Variants in ELOC observed in about 807,000 individuals in gnomAD.
The protein encoded by ELOC is elongin C.
For synonymous variants in ELOC, 40 were observed against 51.3 expected (o/e 0.78, Z 0.94); for missense variants, 38 against 139.0 (o/e 0.27, Z 3.65).
intron 3 of ELOC, among the ~76,000 whole-genome samples, chr8:73,953,407 T>C (rs1186151241): frequency 6.6e-6 from 1 of 152,100 alleles, no homozygotes; most frequent in Non-Finnish European, 1.5e-5. Flanking sequence ...CCAGGCACAG[T>C]GGCTCACGCT....
rs765808185 is a variant in ELOC, at chr8:73,963,169, T to C, written c.-50-3351A>G. Among the ~76,000 whole-genome samples the C allele has an allele frequency of 1.2e-3, 186 of 152,278 alleles. 1 individual carries two copies. Among genetic ancestry groups the C allele is most frequent in the Non-Finnish European group, 1.9e-3 (129 of 68,020 alleles). On this transcript the variant is annotated intron_variant, in intron 1 of 3. Transcript: ENST00000520242. ...ATCTCTTAAAGTTTTTTTGTGTATG[T>C]TTGTGTTTAATAACAAATACTTAAA... is the stretch of plus-strand genomic sequence containing the variant.
At chr8:73,968,367 C>G (rs1479078775) in intron 1 of ELOC, among the ~76,000 whole-genome samples, 1 of 152,186 alleles carries the variant, frequency 6.6e-6, no homozygotes, top group African/African-American at 2.4e-5. Flanking sequence ...CAACACAGAA[C>G]TTAAGGGCTG....
chr8:73,964,011 T>C (rs1456177355), intron 1 of ELOC, among the ~76,000 whole-genome samples: 1 of 142,322 alleles, frequency 7.0e-6, no homozygotes, highest in African/African-American at 2.6e-5. Context: ...GAGAATGGCT[T>C]GAACCCAGGA....
chr8:73,952,273 G>A (rs1009327530), intron 3 of ELOC, among the ~76,000 whole-genome samples: 3 of 151,772 alleles, frequency 2.0e-5, no homozygotes, highest in Non-Finnish European at 4.4e-5. Context: ...GTGTGGTGGT[G>A]GGCACCTGTA....
rs61081733 is a variant in ELOC at position 73,965,036 on chromosome 8, C to CAA, written c.-50-5220_-50-5219dup. Among the ~76,000 whole-genome samples, 204 of 81,436 alleles carry CAA rather than the reference C, an allele frequency of 2.5e-3. 4 individuals carry two copies. Among genetic ancestry groups the CAA allele is most frequent in the Middle Eastern group, 7.9e-3 (1 of 126 alleles). 53.4% of individuals were successfully genotyped at this position (81,436 alleles called of 152,430 possible). On this transcript the variant is annotated intron_variant, in intron 1 of 3. Transcript: ENST00000520242. Reference sequence around the variant, plus strand: ...GTAAGACACTGTCTCAAAAACAAACCAAAAAAAAAAAAAAAAACTCTCAAA... The same window carrying CAA: ...GTAAGACACTGTCTCAAAAACAAACCAAAAAAAAAAAAAAAAAAACTCTCAAA...
chr8:73,953,117 C>T (rs1813884894), intron 3 of ELOC, among the ~76,000 whole-genome samples: 2 of 152,004 alleles, frequency 1.3e-5, no homozygotes, highest in South Asian at 4.1e-4. Flanking sequence ...CCAGCCTGGC[C>T]AACACAGTGA....
intron 3 of ELOC, chr8:73,955,327 T>G (rs961254426): frequency 1.3e-5 from 2 of 152,038 alleles, no homozygotes; most frequent in African/African-American, 4.8e-5. Context: ...AAGTTAAACC[T>G]GGGCGTGGTG....
chr8:73,950,415 T>C (rs1343900155), intron 3 of ELOC, among the ~76,000 whole-genome samples: 1 of 152,240 alleles, frequency 6.6e-6, no homozygotes, highest in African/African-American at 2.4e-5. Flanking sequence ...TGAAAAATTA[T>C]ATTTAAAAGG....
intron 1 of ELOC, among the ~76,000 whole-genome samples, chr8:73,966,817 T>C (rs1440421975): frequency 6.6e-6 from 1 of 152,102 alleles, no homozygotes; most frequent in African/African-American, 2.4e-5. Flanking sequence ...TAAACAACAC[T>C]ACATAAGAAT....
chr8:73,951,810 A>G (rs1698319308), intron 3 of ELOC, among the ~76,000 whole-genome samples: 1 of 152,214 alleles, frequency 6.6e-6, no homozygotes, highest in South Asian at 2.1e-4. Context: ...ACAGTAATCA[A>G]AACAGTGTGG....
intron 2 of ELOC, among the ~76,000 whole-genome samples, chr8:73,956,595 G>A (rs990866512): frequency 6.6e-6 from 1 of 152,092 alleles, no homozygotes; most frequent in Non-Finnish European, 1.5e-5. Context: ...AAATTCACTA[G>A]TTTTTTCAAG....
intron 3 of ELOC, among the ~76,000 whole-genome samples, chr8:73,947,470 G>C (rs1249240799): frequency 6.6e-6 from 1 of 152,058 alleles, no homozygotes; most frequent in East Asian, 1.9e-4. Context: ...GCCATCTAGG[G>C]GTGGTACTTT....
intron 2 of ELOC, among the ~76,000 whole-genome samples, chr8:73,958,121 G>T (rs1390198606): frequency 6.7e-6 from 1 of 149,278 alleles, no homozygotes; most frequent in Non-Finnish European, 1.5e-5. Flanking sequence ...TAAGAGACAG[G>T]GCCTTGCTCT....
At chr8:73,953,821 A>G (rs931759612) in intron 3 of ELOC, among the ~76,000 whole-genome samples, 1 of 152,204 alleles carries the variant, frequency 6.6e-6, no homozygotes, top group Non-Finnish European at 1.5e-5. Context: ...TCATATGATC[A>G]AGCAACTGCA....
At position 73,946,759 on chromosome 8, in the gene ELOC, T is replaced by A. The variant is rs545162276; in HGVS notation, c.210A>T (p.Leu70=). 1 of 1,613,914 alleles carries A rather than the reference T, an allele frequency of 6.2e-7. No individual in the cohort carries two copies. The highest frequency in any genetic ancestry group is 1.7e-5 in the Admixed American group (1 of 59,992). ...VNFREIPSHV[L]SKVCMYFTYK... ...ACGTAAAATACATGCATACTTTCGA[T>A]AGCACATGTGAAGGTATCTCTCTAA... is the stretch of plus-strand genomic sequence containing the variant. The change falls in exon 4 of 4, where the codon CTA becomes CTT. Residue 70 remains leucine (L), a synonymous_variant. Transcript: ENST00000520242.
chr8:73,955,995 T>A lies in ELOC; in HGVS notation c.64A>T (p.Ile22Leu), dbSNP rs756249668. 9.9e-6 allele frequency: 16 copies of A among 1,613,876 alleles called. No homozygotes were observed. The highest frequency in any genetic ancestry group is 1.1e-5 in the Non-Finnish European group (13 of 1,179,870). The stretch of plus-strand genomic sequence containing the variant: ...ATAAATTCATGGCCATCAGATGATA[T>A]CAATTTGACATACATGGCATCAGGT... ...EGPDAMYVKL[I>L]SSDGHEFIVK... Residue 22 changes from isoleucine to leucine, a missense_variant, in exon 3 of 4, where the codon ATA becomes TTA. Physicochemically the swap from Ile to Leu is conservative, Grantham distance 5. Coordinates refer to ENST00000520242, the MANE Select transcript of ELOC (RefSeq NM_005648.4).
chr8:73,964,340 C>T (rs528931696), intron 1 of ELOC: 1 of 151,534 alleles, frequency 6.6e-6, no homozygotes, highest in African/African-American at 2.4e-5. Flanking sequence ...AAAGGACAGT[C>T]TCTTCAACAA....
chr8:73,959,522 C>T (rs866782309), intron 2 of ELOC, among the ~76,000 whole-genome samples: 7 of 152,192 alleles, frequency 4.6e-5, no homozygotes, highest in South Asian at 2.1e-4. Flanking sequence ...AAGATGTCAC[C>T]GTAGGCCACA....
intron 3 of ELOC, among the ~76,000 whole-genome samples, chr8:73,947,897 A>G (rs969314568): frequency 6.6e-6 from 1 of 152,098 alleles, no homozygotes; most frequent in Non-Finnish European, 1.5e-5. Flanking sequence ...AACCTTTACT[A>G]AAATAGTACT....
Sources: gnomAD v4.1 joint callset for allele counts (sites outside exome capture counted in the v4.1 genomes callset) on GRCh38, gnomAD v4.1.1 for gene constraint, MANE v1.5 for transcripts, NCBI Gene and HGNC (gene_info 2026-07-23, HGNC 2026-07-21) for gene names.